Variants in SPATA31H1 observed in about 807,000 individuals in gnomAD.
The protein encoded by SPATA31H1 is SPATA31 subfamily H member 1, also known as spermatogenesis-associated protein 31H1.
the SPATA31H1 span, chr2:27,581,385 A>G: frequency 1.2e-6 from 2 of 1,613,622 alleles, no homozygotes; most frequent in Non-Finnish European, 1.7e-6. Context: ...TTCTGAGAGA[A>G]GCTGGCGCAG....
the SPATA31H1 span, among the ~76,000 whole-genome samples, chr2:27,556,694 T>TATA: frequency 2.6e-4 from 31 of 120,636 alleles, no homozygotes; most frequent in African/African-American, 1.0e-3. Flanking sequence ...GGGCATATAT[T>TATA]TTTTTTTTTT....
chr2:27,580,384 A>T, the SPATA31H1 span: 1 of 1,614,216 alleles, frequency 6.2e-7, no homozygotes, highest in Non-Finnish European at 8.5e-7. Flanking sequence ...GAAAGCACTC[A>T]GAATGAAAAA....
chr2:27,539,119 TTTTTTTTA>T, the SPATA31H1 span, among the ~76,000 whole-genome samples: 371 of 135,554 alleles, frequency 2.7e-3, 3 homozygotes, highest in African/African-American at 0.012. Flanking sequence ...TTTTTTTTTT[TTTTTTTTA>T]ATTGATCATT....
chr2:27,553,643 C>T, the SPATA31H1 span, among the ~76,000 whole-genome samples: 6 of 151,974 alleles, frequency 3.9e-5, no homozygotes, highest in Admixed American at 6.6e-5. Flanking sequence ...ATTAGCTGGC[C>T]GGGCATGGTG....
chr2:27,567,666 A>G, the SPATA31H1 span: 1 of 400,774 alleles, frequency 2.5e-6, no homozygotes, highest in Non-Finnish European at 4.4e-6. Context: ...ACTTAATGTA[A>G]TTCAAGAGGA....
the SPATA31H1 span, chr2:27,581,188 A>G: frequency 6.2e-6 from 10 of 1,614,106 alleles, no homozygotes; most frequent in Non-Finnish European, 5.9e-6. Flanking sequence ...CACAAGGAGC[A>G]TAACCACCCC....
chr2:27,569,827 A>C, the SPATA31H1 span: 1 of 398,838 alleles, frequency 2.5e-6, no homozygotes, highest in Non-Finnish European at 4.4e-6. Context: ...AAATCTTCTG[A>C]ATTGACCTCA....
At chr2:27,579,227 A>G in the SPATA31H1 span, 2 of 1,614,242 alleles carry the variant, frequency 1.2e-6, no homozygotes, top group Non-Finnish European at 1.7e-6. Context: ...AGCGACTACC[A>G]AGAAAATATC....
At chr2:27,577,851 G>A in the SPATA31H1 span, 13 of 1,614,028 alleles carry the variant, frequency 8.1e-6, no homozygotes, top group Admixed American at 1.7e-5. The surrounding 1 kb of genome is among the most constrained non-coding windows in gnomAD (Gnocchi z 4.5). Flanking sequence ...AACAAGTCAA[G>A]TTATAGGACA....
chr2:27,573,191 T>G, the SPATA31H1 span: 1 of 398,266 alleles, frequency 2.5e-6, no homozygotes, highest in Non-Finnish European at 4.4e-6. Flanking sequence ...AGTTTAACTT[T>G]GGGCCACAGT....
At chr2:27,539,887 T>C in the SPATA31H1 span, among the ~76,000 whole-genome samples, 1 of 118,816 alleles carries the variant, frequency 8.4e-6, no homozygotes. Context: ...CCCACCTCCC[T>C]CCCGGATGGG....
the SPATA31H1 span, among the ~76,000 whole-genome samples, chr2:27,565,130 C>T: frequency 6.6e-6 from 1 of 152,118 alleles, no homozygotes; most frequent in Non-Finnish European, 1.5e-5. Flanking sequence ...TCCCTTCTCT[C>T]TTAGGAAGTT....
At chr2:27,543,303 TA>T in the SPATA31H1 span, among the ~76,000 whole-genome samples, 1 of 152,116 alleles carries the variant, frequency 6.6e-6, no homozygotes, top group Non-Finnish European at 1.5e-5. Context: ...TTTCATAAGT[TA>T]TTTTAGATAA....
chr2:27,569,548 T>C, the SPATA31H1 span: 1 of 398,538 alleles, frequency 2.5e-6, no homozygotes, highest in African/African-American at 2.1e-5. Flanking sequence ...AAAAAGTTAA[T>C]TACAGAACAA....
the SPATA31H1 span, chr2:27,566,345 G>T: frequency 1.4e-6 from 1 of 717,358 alleles, no homozygotes; most frequent in Non-Finnish European, 2.6e-6. Context: ...TCAATGGAGC[G>T]GAGCCTTCAA....
the SPATA31H1 span, among the ~76,000 whole-genome samples, chr2:27,543,116 A>G: frequency 1.3e-5 from 2 of 151,828 alleles, no homozygotes; most frequent in Non-Finnish European, 2.9e-5. Flanking sequence ...CAAACATAAC[A>G]CACACAAACC....
the SPATA31H1 span, chr2:27,570,572 G>T: frequency 5.0e-6 from 2 of 398,874 alleles, no homozygotes; most frequent in Non-Finnish European, 8.9e-6. Flanking sequence ...TTAACCCAGA[G>T]CTGCAGCTAC....
At chr2:27,578,611 A>C in the SPATA31H1 span, 1 of 1,614,058 alleles carries the variant, frequency 6.2e-7, no homozygotes, top group Non-Finnish European at 8.5e-7. Context: ...ACTCATAAAC[A>C]AGGGCTTCAG....
chr2:27,552,896 G>A, the SPATA31H1 span, among the ~76,000 whole-genome samples: 1 of 151,982 alleles, frequency 6.6e-6, no homozygotes, highest in Non-Finnish European at 1.5e-5. Context: ...GTTTCTTTCC[G>A]ATATTCTGTA....
Sources: gnomAD v4.1 joint callset for allele counts (sites outside exome capture counted in the v4.1 genomes callset) on GRCh38, gnomAD v4.1.1 for gene constraint, Gnocchi (gnomAD v3.1) non-coding constraint, MANE v1.5 for transcripts, NCBI Gene and HGNC (gene_info 2026-07-23, HGNC 2026-07-21) for gene names.